FAT3: variants seen among roughly 807,000 people sequenced by gnomAD.
The protein encoded by FAT3 is FAT atypical cadherin 3.
In FAT3, 95 loss-of-function variants were observed where a neutral mutation model predicts 310.2. The ratio of observed to expected loss-of-function variants is 0.31; its 90% CI spans 0.26 to 0.36. The LOEUF is 0.36. FAT3 is among the 10% of genes least tolerant of loss of function. FAT3 has a pLI of 1.00. For synonymous variants in FAT3, 2,314 were observed against 2,192.9 expected (o/e 1.06, Z -1.54); for missense variants, 5,408 against 5,715.6 (o/e 0.95, Z 1.74).
chr11:92,648,796 G>A (rs1942259616), intron 3 of FAT3, among the ~76,000 whole-genome samples: 1 of 152,140 alleles, frequency 6.6e-6, no homozygotes, highest in Non-Finnish European at 1.5e-5. Flanking sequence ...TCATTGCCTT[G>A]GACTGGTGCC....
Position 92,831,770 on chromosome 11 carries a change from G to C in FAT3, c.9630G>C (p.Gln3210His). The C allele has an allele frequency of 6.2e-7, 1 of 1,613,610 alleles. No individual in the cohort carries two copies. The change falls in exon 14 of 28, where the codon CAG becomes CAC. Residue 3210 changes from glutamine to histidine, a missense_variant. Physicochemically the swap from Gln to His is conservative, Grantham distance 24. Around this residue, in one of 5 missense-constraint regions of FAT3, gnomAD observed 4,588 missense variants for 4,809.8 expected, o/e 0.95. Transcript: ENST00000525166. The stretch of plus-strand genomic sequence containing the variant: ...ACATCAGCGTGCGGGCCACTGACCA[G>C]AGTCCTGGACAGTCCCTGTCCTCTC... ...SYNISVRATD[Q>H]SPGQSLSSLT...
chr11:92,854,107 G>A (rs759803664), intron 19 of FAT3, among the ~76,000 whole-genome samples: 4 of 152,170 alleles, frequency 2.6e-5, no homozygotes, highest in Non-Finnish European at 4.4e-5. Flanking sequence ...GCTCATCTAT[G>A]CACAAAGTTG....
intron 3 of FAT3, among the ~76,000 whole-genome samples, chr11:92,594,687 G>A (rs1211367167): frequency 6.6e-6 from 1 of 152,114 alleles, no homozygotes; most frequent in African/African-American, 2.4e-5. Flanking sequence ...GACACTTAGG[G>A]TCTGTTGGTA....
chr11:92,796,656 A>G (rs1947182336), intron 9 of FAT3, among the ~76,000 whole-genome samples: 2 of 152,206 alleles, frequency 1.3e-5, no homozygotes, highest in Non-Finnish European at 1.5e-5. Flanking sequence ...ATCTCAACAC[A>G]GAAGTATATG....
At chr11:92,500,304 A>G (rs1249497597) in intron 2 of FAT3, among the ~76,000 whole-genome samples, 1 of 152,042 alleles carries the variant, frequency 6.6e-6, no homozygotes, top group African/African-American at 2.4e-5. Context: ...TTAATTTCAG[A>G]TATGGTCATA....
intron 3 of FAT3, among the ~76,000 whole-genome samples, chr11:92,678,101 A>G (rs1311672905): frequency 6.6e-6 from 1 of 152,196 alleles, no homozygotes; most frequent in East Asian, 1.9e-4. Flanking sequence ...TGTAACTACA[A>G]ATCACCCTGT....
At chr11:92,890,016 C>T in intron 27 of FAT3, 125 bp downstream of exon 27, 2 of 713,906 alleles carry the variant, frequency 2.8e-6, no homozygotes, top group Non-Finnish European at 5.2e-6. Flanking sequence ...GTCTCGTGCG[C>T]TCAGTATTGG....
At chr11:92,391,280 G>A (rs145102529) in intron 2 of FAT3, among the ~76,000 whole-genome samples, 96 of 152,234 alleles carry the variant, frequency 6.3e-4, no homozygotes, top group African/African-American at 2.1e-3. Context: ...GGGACAGACC[G>A]TCGAAGACCC....
intron 1 of FAT3, chr11:92,314,333 C>T: frequency 1.0e-6 from 1 of 962,818 alleles, no homozygotes. Context: ...TAAACAAATA[C>T]AAATTTGATA....
intron 3 of FAT3, among the ~76,000 whole-genome samples, chr11:92,597,728 C>T (rs944896251): frequency 2.6e-5 from 4 of 152,038 alleles, no homozygotes; most frequent in African/African-American, 4.8e-5. Context: ...TGACTAGTCT[C>T]GAGTTTATAA....
chr11:92,269,746 G>A (rs781723776), intron 1 of FAT3, among the ~76,000 whole-genome samples: 6 of 151,896 alleles, frequency 4.0e-5, no homozygotes, highest in Non-Finnish European at 8.8e-5. Context: ...CACCATATTC[G>A]AAATGGGAGG....
intron 2 of FAT3, among the ~76,000 whole-genome samples, chr11:92,437,136 C>T (rs1950957291): frequency 6.6e-6 from 1 of 152,062 alleles, no homozygotes; most frequent in South Asian, 2.1e-4. Flanking sequence ...ATCTTATTTA[C>T]CTAAATAATG....
At chr11:92,819,623 T>G (rs1321128773) in intron 13 of FAT3, among the ~76,000 whole-genome samples, 2 of 152,174 alleles carry the variant, frequency 1.3e-5, no homozygotes, top group Non-Finnish European at 2.9e-5. Context: ...ATACAAAAAG[T>G]TACAAATAAA....
intron 22 of FAT3, among the ~76,000 whole-genome samples, chr11:92,868,537 C>A (rs1949303711): frequency 6.6e-6 from 1 of 152,138 alleles, no homozygotes; most frequent in Non-Finnish European, 1.5e-5. Flanking sequence ...CCAGGCAAAA[C>A]AATTCTGCTA....
intron 3 of FAT3, among the ~76,000 whole-genome samples, chr11:92,635,563 A>AT (rs973156083): frequency 1.3e-5 from 2 of 152,134 alleles, no homozygotes; most frequent in East Asian, 1.9e-4. Flanking sequence ...TCAGGGTGTG[A>AT]TTTTTTTAAA....
At chr11:92,527,643 T>G (rs1466298414) in intron 3 of FAT3, among the ~76,000 whole-genome samples, 2 of 152,218 alleles carry the variant, frequency 1.3e-5, no homozygotes, top group Non-Finnish European at 2.9e-5. Context: ...TTGTTAATGG[T>G]GTTGCTCTAA....
At chr11:92,625,815 T>G (rs1251559799) in intron 3 of FAT3, among the ~76,000 whole-genome samples, 2 of 152,018 alleles carry the variant, frequency 1.3e-5, no homozygotes, top group Non-Finnish European at 2.9e-5. Context: ...AGGCCTGAGA[T>G]TTCTCTCATT....
chr11:92,618,285 C>T (rs537005540), intron 3 of FAT3, among the ~76,000 whole-genome samples: 7 of 152,254 alleles, frequency 4.6e-5, no homozygotes, highest in South Asian at 2.1e-4. Flanking sequence ...GAGCCAGGCG[C>T]GGGATACAAT....
chr11:92,450,688 T>C lies in FAT3; in HGVS notation c.3293-73946T>C, dbSNP rs1251521318. On this transcript the variant is annotated intron_variant, in intron 2 of 27. Transcript: ENST00000525166. ...AAGATATGCTCCAGAAGCCATGAAA[T>C]CCCTAAGTCTGTTTACATCTTGGGT... Among the ~76,000 whole-genome samples, 3 of 152,300 alleles carry C rather than the reference T, an allele frequency of 2.0e-5. No individual in the cohort carries two copies. In the South Asian group the frequency reaches 6.2e-4, roughly 32 times the overall value.
Sources: gnomAD v4.1 joint callset for allele counts (sites outside exome capture counted in the v4.1 genomes callset) on GRCh38, gnomAD v4.1.1 for gene constraint, gnomAD v4.1.1 regional missense constraint, MANE v1.5 for transcripts, NCBI Gene and HGNC (gene_info 2026-07-23, HGNC 2026-07-21) for gene names.